DBI: variants seen among roughly 807,000 people sequenced by gnomAD.
DBI encodes diazepam binding inhibitor, acyl-CoA binding protein.
DBI carries 12 observed loss-of-function variants against 13.0 expected under a neutral mutation model. The ratio of observed to expected loss-of-function variants is 0.92; its 90% CI spans 0.59 to 1.49. The LOEUF is 1.49. Ranked by LOEUF, DBI falls within the 40% of genes most tolerant of loss-of-function variation. DBI has a pLI of 0.00. For missense variants in DBI, 95 were observed against 104.8 expected, an observed-to-expected ratio of 0.91 and a Z score of 0.41; for synonymous variants, 37 against 37.4, an observed-to-expected ratio of 0.99 and a Z score of 0.04.
intron 3 of DBI, among the ~76,000 whole-genome samples, chr2:119,371,221 G>A (rs1439109603): frequency 2.6e-5 from 4 of 152,148 alleles, no homozygotes; most frequent in African/African-American, 9.7e-5. Context: ...ATAAAAGAAG[G>A]GAATGAGCTA....
chr2:119,370,711 A>AT (rs1681450241), intron 2 of DBI, 29 bp from the exon 3 acceptor site: 1 of 1,607,752 alleles, frequency 6.2e-7, no homozygotes, highest in East Asian at 2.2e-5. Flanking sequence ...TTTGAACCAG[A>AT]TCTAATGCCT....
intron 1 of DBI, chr2:119,367,310 G>C: frequency 7.0e-7 from 1 of 1,436,882 alleles, no homozygotes; most frequent in South Asian, 1.5e-5. Context: ...TGTGTAGCGG[G>C]AGAGGGGTGG....
At chr2:119,370,719 C>T in intron 2 of DBI, 21 bp from the exon 3 acceptor site, 2 of 1,611,324 alleles carry the variant, frequency 1.2e-6, no homozygotes, top group Non-Finnish European at 8.5e-7. Context: ...AGATCTAATG[C>T]CTTTTCTTCC....
chr2:119,369,297 C>G (rs775196360), intron 2 of DBI, among the ~76,000 whole-genome samples: 2 of 152,166 alleles, frequency 1.3e-5, no homozygotes, highest in African/African-American at 4.8e-5. Context: ...CAGAGACTGG[C>G]CTGTGCCCGT....
chr2:119,371,482 T>A (rs114200436), intron 3 of DBI, among the ~76,000 whole-genome samples: 146 of 152,304 alleles, frequency 9.6e-4, no homozygotes, highest in Non-Finnish European at 1.6e-3. Flanking sequence ...AACACACTCC[T>A]AGGATCTGCA....
At position 119,371,317 on chromosome 2, in the gene DBI, G is replaced by A. The variant is rs188104762; in HGVS notation, c.190+515G>A. On this transcript the variant is annotated intron_variant, in intron 3 of 3. Coordinates refer to ENST00000355857, the MANE Select transcript of DBI (RefSeq NM_001079862.4). The stretch of plus-strand genomic sequence containing the variant: ...CAGCAGCCAAGAAGTATCCAAGCTC[G>A]TACTTAATCACGTGCCACCTGCAGC... 2.9e-3 allele frequency among the ~76,000 whole-genome samples: 438 copies of A among 152,296 alleles called. 7 individuals carry two copies. Among genetic ancestry groups the A allele is most frequent in the Non-Finnish European group, 1.5e-3 (105 of 68,022 alleles).
chr2:119,368,241 G>A lies in DBI; in HGVS notation c.63G>A (p.Ser21=), dbSNP rs369147541. The A allele has an allele frequency of 2.0e-5, 32 of 1,613,974 alleles. No homozygotes were observed. The highest frequency in any genetic ancestry group is 3.3e-4 in the Middle Eastern group (2 of 6,010). The part of the protein sequence containing the change: ...EEVRHLKTKP[S]DEEMLFIYGH... ...TTAGGCACCTTAAGACCAAGCCATC[G>A]GATGAGGAGATGCTGTTCATCTATG... The change falls in exon 2 of 4, where the codon TCG becomes TCA. Residue 21 remains serine, a synonymous_variant. Coordinates refer to ENST00000355857, the MANE Select transcript of DBI (RefSeq NM_001079862.4).
In DBI at chr2:119,367,594, G is replaced by A. The variant is rs1277225037; in HGVS notation, c.9+534G>A. 8 of 1,614,012 alleles carry A rather than the reference G, an allele frequency of 5.0e-6. No individual in the cohort carries two copies. The East Asian group carries it at 1.1e-4, about 22-fold the overall frequency. On this transcript the variant is annotated intron_variant, in intron 1 of 3. Coordinates refer to ENST00000355857, the MANE Select transcript of DBI (RefSeq NM_001079862.4). The stretch of plus-strand genomic sequence containing the variant: ...TGTCTGAGACCGAGCTATGTGGGGC[G>A]ACCTCTGGCTCCTCCCGCCTGCCTC...
intron 2 of DBI, among the ~76,000 whole-genome samples, chr2:119,369,628 A>T (rs1681366837): frequency 6.6e-6 from 1 of 152,156 alleles, no homozygotes; most frequent in Non-Finnish European, 1.5e-5. Context: ...TCTACTAAAA[A>T]TACAAAAATT....
intron 1 of DBI, chr2:119,367,875 G>A (rs756588439): frequency 1.9e-6 from 3 of 1,614,064 alleles, no homozygotes; most frequent in Non-Finnish European, 8.5e-7. Flanking sequence ...CCCACTGGGG[G>A]CGAAGGCTTG....
At chr2:119,369,165 C>G (rs565149873) in intron 2 of DBI, among the ~76,000 whole-genome samples, 2 of 152,166 alleles carry the variant, frequency 1.3e-5, no homozygotes, top group South Asian at 4.1e-4. Flanking sequence ...TGAAGAAGGT[C>G]TTATGGCGAA....
intron 1 of DBI, chr2:119,367,377 G>A: frequency 2.1e-6 from 3 of 1,456,462 alleles, no homozygotes; most frequent in South Asian, 1.4e-5. Flanking sequence ...TTGGAGGAGC[G>A]AGGAGACTCA....
At position 119,372,340 on chromosome 2, in the gene DBI, G is replaced by A; in HGVS notation, c.*22G>A. Reference sequence around the variant, plus strand: ...ATGAGAGACTGGATTTGGTTACTGTGCCATGTGTTTATCCTAAACTGAGAC... The same window carrying A: ...ATGAGAGACTGGATTTGGTTACTGTACCATGTGTTTATCCTAAACTGAGAC... On this transcript the variant is annotated 3_prime_UTR_variant, in exon 4 of 4. Transcript: ENST00000355857. 5 of 1,573,062 alleles carry A rather than the reference G, an allele frequency of 3.2e-6. No individual in the cohort carries two copies. Among genetic ancestry groups the A allele is most frequent in the Non-Finnish European group, 3.5e-6 (4 of 1,142,792 alleles).
At chr2:119,367,348 G>C in intron 1 of DBI, 1 of 1,441,270 alleles carries the variant, frequency 6.9e-7, no homozygotes, top group Non-Finnish European at 9.1e-7. Flanking sequence ...TGGAGAGATG[G>C]GGGAAGGGGT....
chr2:119,370,215 A>G (rs1681413362), intron 2 of DBI: 2 of 152,434 alleles, frequency 1.3e-5, no homozygotes, highest in South Asian at 4.1e-4. Context: ...CATATAACTT[A>G]AAGAAACCTT....
In DBI at chr2:119,368,512, G is replaced by A. The variant is rs1681258518; in HGVS notation, c.127+207G>A. The A allele has an allele frequency of 2.0e-5, 11 of 544,950 alleles. No individual in the cohort carries two copies. The South Asian group carries it at 2.3e-4, about 12-fold the overall frequency. The allele number at this position is 544,950 out of a possible 1,614,324, so 33.8% of individuals were successfully genotyped here. A position where few individuals can be genotyped will look rare whatever the true frequency, so the allele number is the denominator to read the frequency against. ...CAGAATTCAAATCCTGGTTTTAGAA[G>A]GTCTTTACTGGTTATCACCAGCAGC... On this transcript the variant is annotated intron_variant, in intron 2 of 3. Coordinates refer to ENST00000355857, the MANE Select transcript of DBI (RefSeq NM_001079862.4).
At chr2:119,370,844 A>T (rs779850465) in intron 3 of DBI, 42 bp downstream of exon 3, 1 of 1,547,010 alleles carries the variant, frequency 6.5e-7, no homozygotes, top group Non-Finnish European at 8.9e-7. Flanking sequence ...GAAACCCAGT[A>T]GTGAAAGAGT....
chr2:119,372,048 T>G (rs1448573739), intron 3 of DBI, among the ~76,000 whole-genome samples, 197 bp from the exon 4 acceptor site: 1 of 152,254 alleles, frequency 6.6e-6, no homozygotes, highest in African/African-American at 2.4e-5. Flanking sequence ...CCAGGCTTTC[T>G]GAGCACAGTT....
At chr2:119,367,690 G>T in intron 1 of DBI, 1 of 1,612,200 alleles carries the variant, frequency 6.2e-7, no homozygotes. Flanking sequence ...GGGGACCAAC[G>T]GGCTCCGGCG....
Sources: allele counts gnomAD v4.1 joint callset (sites outside exome capture counted in the v4.1 genomes callset), GRCh38; gene constraint gnomAD v4.1.1; transcripts MANE v1.5; gene names NCBI Gene and HGNC (gene_info 2026-07-23, HGNC 2026-07-21).